Variants in RPH3A observed in about 807,000 individuals in gnomAD.
The protein encoded by RPH3A is rabphilin-3A.
In RPH3A, 48 loss-of-function variants were observed where a neutral mutation model predicts 102.2. The observed-to-expected ratio is 0.47, with a 90% CI of 0.37 to 0.60. The LOEUF is 0.60. Ranked by LOEUF, RPH3A falls within the 20% of genes least tolerant of loss-of-function variation. The pLI is 0.00. For missense variants in RPH3A, 781 were observed against 910.1 expected (o/e 0.86, Z 1.83); for synonymous variants, 310 against 324.3 (o/e 0.96, Z 0.47).
At chr12:112,686,648 GCC>G (rs2040266682) in intron 1 of RPH3A, among the ~76,000 whole-genome samples, 1 of 152,316 alleles carries the variant, frequency 6.6e-6, no homozygotes, top group East Asian at 1.9e-4. Flanking sequence ...GGACCAGCCA[GCC>G]ACCAGCCAAT....
At position 112,898,098 on chromosome 12, in the gene RPH3A, C is replaced by T. The variant is rs1334339658; in HGVS notation, c.*1318C>T. On this transcript the variant is annotated 3_prime_UTR_variant, in exon 22 of 22. Transcript: ENST00000389385. ...TCTGTCTCTCTGTCTCCTGCACTCTCGTTACTAAGCTTCCTGGGAGAATCA... is the reference window on the plus strand; with the variant it reads ...TCTGTCTCTCTGTCTCCTGCACTCTTGTTACTAAGCTTCCTGGGAGAATCA... 1 of 152,202 alleles carries T rather than the reference C, an allele frequency of 6.6e-6. No individual in the cohort carries two copies. The highest frequency in any genetic ancestry group is 1.9e-4 in the East Asian group (1 of 5,194). The allele number at this position is 152,202 out of a possible 1,614,324, so 9.4% of individuals were successfully genotyped here.
At chr12:112,875,464 A>C (rs779630835) in intron 11 of RPH3A, among the ~76,000 whole-genome samples, 1 of 152,046 alleles carries the variant, frequency 6.6e-6, no homozygotes. Context: ...CAGAGGAGCA[A>C]GTCAAGGCTC....
chr12:112,763,030 G>T (rs948246066), intron 1 of RPH3A, among the ~76,000 whole-genome samples: 1 of 152,168 alleles, frequency 6.6e-6, no homozygotes, highest in African/African-American at 2.4e-5. Context: ...AACAACAGGT[G>T]CTCCACACAG....
chr12:112,882,815 C>T (rs1038200207), intron 15 of RPH3A, among the ~76,000 whole-genome samples: 1 of 152,186 alleles, frequency 6.6e-6, no homozygotes, highest in Non-Finnish European at 1.5e-5. Flanking sequence ...GATTTGTCAC[C>T]AGGCCACCTC....
intron 4 of RPH3A, among the ~76,000 whole-genome samples, chr12:112,841,706 G>GTTTTTTTTTTTTTTTTTTTTTTTT (rs150878418): frequency 6.9e-6 from 1 of 145,066 alleles, no homozygotes; most frequent in African/African-American, 2.6e-5. Flanking sequence ...TTGTTTTTTT[G>GTTTTTTTTTTTTTTTTTTTTTTTT]GTTTTTTTTT....
intron 1 of RPH3A, among the ~76,000 whole-genome samples, chr12:112,677,778 C>A (rs1321069597): frequency 6.6e-6 from 1 of 152,076 alleles, no homozygotes; most frequent in Admixed American, 6.5e-5. Flanking sequence ...AAGCAGCTAG[C>A]CTCGGCAGCC....
intron 1 of RPH3A, among the ~76,000 whole-genome samples, chr12:112,651,125 T>A (rs186811343): frequency 1.8e-4 from 28 of 152,106 alleles, no homozygotes; most frequent in Non-Finnish European, 2.2e-4. Flanking sequence ...TTTGGGAGGC[T>A]GAGACGGGTG....
Position 112,732,995 on chromosome 12 carries a change from T to G in RPH3A, c.-139-59148T>G, listed in dbSNP as rs79450788. The stretch of plus-strand genomic sequence containing the variant: ...TGAATATTGCATTACAGTTATCAAT[T>G]TAGTCATTCATTTCACAAATATGCA... On this transcript the variant is annotated intron_variant, in intron 1 of 21. Transcript: ENST00000543106. Among the ~76,000 whole-genome samples the G allele has an allele frequency of 2.1e-3, 314 of 152,264 alleles. 7 individuals carry two copies. The East Asian group carries it at 0.056, about 27-fold the overall frequency.
At chr12:112,639,285 TA>T (rs1217831157) in intron 1 of RPH3A, among the ~76,000 whole-genome samples, 4 of 152,074 alleles carry the variant, frequency 2.6e-5, no homozygotes. Flanking sequence ...TATGATTCTA[TA>T]AAAAGCCCCA....
intron 1 of RPH3A, among the ~76,000 whole-genome samples, chr12:112,596,796 C>G (rs1406169673): frequency 6.6e-6 from 1 of 152,102 alleles, no homozygotes; most frequent in Non-Finnish European, 1.5e-5. Flanking sequence ...ATCCGTAAAC[C>G]ATTTGGGGGA....
At chr12:112,734,347 G>A (rs1016770202) in intron 1 of RPH3A, among the ~76,000 whole-genome samples, 1 of 152,208 alleles carries the variant, frequency 6.6e-6, no homozygotes, top group Admixed American at 6.5e-5. Context: ...CTAGGTTTGT[G>A]TGAATACACT....
chr12:112,797,050 A>G lies in RPH3A; in HGVS notation c.-19+4787A>G, dbSNP rs554144475. The stretch of plus-strand genomic sequence containing the variant: ...AGGGTAAGACTCTGTCTCAAAAAAA[A>G]AGACACGATCCTTTTTGGGACTTAG... On this transcript the variant is annotated intron_variant, in intron 2 of 21. Transcript: ENST00000389385. Among the ~76,000 whole-genome samples the G allele has an allele frequency of 1.1e-3, 169 of 152,276 alleles. 4 individuals are homozygous for G. Among genetic ancestry groups the G allele is most frequent in the African/African-American group, 3.7e-3 (155 of 41,568 alleles).
intron 2 of RPH3A, among the ~76,000 whole-genome samples, chr12:112,817,547 C>CGTGT (rs145135682): frequency 0.035 from 5,161 of 148,888 alleles, 287 homozygotes; most frequent in African/African-American, 0.12. Context: ...GAAATGCACA[C>CGTGT]GTGTGTGTGT....
In RPH3A at chr12:112,730,062, T is replaced by C. The variant is rs183170875; in HGVS notation, c.-139-62081T>C. ...CACCATGTGAACATGAAGGCAGAGATTGGGGTGATACAGCAGAAACCAAGG... is the reference window on the plus strand; with the variant it reads ...CACCATGTGAACATGAAGGCAGAGACTGGGGTGATACAGCAGAAACCAAGG... On this transcript the variant is annotated intron_variant, in intron 1 of 21. Transcript: ENST00000543106. Among the ~76,000 whole-genome samples the C allele has an allele frequency of 6.6e-5, 10 of 151,814 alleles. No individual in the cohort carries two copies. In the East Asian group the frequency reaches 1.7e-3, roughly 26 times the overall value.
At chr12:112,614,249 G>A (rs1030749553) in intron 1 of RPH3A, among the ~76,000 whole-genome samples, 1 of 152,064 alleles carries the variant, frequency 6.6e-6, no homozygotes, top group African/African-American at 2.4e-5. Flanking sequence ...AGCAGCAATG[G>A]GAAATAGAAC....
At chr12:112,593,774 G>C (rs570883939) in intron 1 of RPH3A, among the ~76,000 whole-genome samples, 2 of 152,252 alleles carry the variant, frequency 1.3e-5, no homozygotes, top group African/African-American at 4.8e-5. Context: ...TGGGGTTATA[G>C]AGCTATCTAA....
At chr12:112,730,020 T>TAC (rs377542679) in intron 1 of RPH3A, among the ~76,000 whole-genome samples, 5 of 150,564 alleles carry the variant, frequency 3.3e-5, no homozygotes, top group South Asian at 4.2e-4. Flanking sequence ...CACACACACA[T>TAC]ACACACACAC....
rs1283615372 is a variant in RPH3A at position 112,876,729 on chromosome 12, G to A, written c.1034G>A (p.Arg345Lys). The change falls in exon 13 of 22, where the codon AGA (arginine) becomes AAA (lysine). Residue 345 changes from arginine (R) to lysine (K), a missense_variant. Transcript: ENST00000389385. Reference sequence around the variant, plus strand: ...GGGGGCTACCCAGCAGTTGGAGCCAGAGAGGACCGAATGAGCCACCCCTCC... The same window carrying A: ...GGGGGCTACCCAGCAGTTGGAGCCAAAGAGGACCGAATGAGCCACCCCTCC... Reference protein sequence around the residue: ...GVGGYPAVGAREDRMSHPSGP... With the variant: ...GVGGYPAVGAKEDRMSHPSGP... 1.2e-6 allele frequency: 2 copies of A among 1,613,502 alleles called. No individual in the cohort carries two copies. Among genetic ancestry groups the A allele is most frequent in the East Asian group, 4.5e-5 (2 of 44,858 alleles).
At chr12:112,615,324 G>A (rs1403263996) in intron 1 of RPH3A, among the ~76,000 whole-genome samples, 1 of 152,124 alleles carries the variant, frequency 6.6e-6, no homozygotes, top group Non-Finnish European at 1.5e-5. Context: ...GCCATCTGGT[G>A]AACCCTGGCA....
Sources: allele counts gnomAD v4.1 joint callset (sites outside exome capture counted in the v4.1 genomes callset), GRCh38; gene constraint gnomAD v4.1.1; transcripts MANE v1.5; gene names NCBI Gene and HGNC (gene_info 2026-07-23, HGNC 2026-07-21).